Variants in KIAA1755 observed in about 807,000 individuals in gnomAD.
KIAA1755 encodes uncharacterized protein KIAA1755.
Under a neutral mutation model 91.7 loss-of-function variants are expected in KIAA1755, and 68 were observed. The ratio of observed to expected loss-of-function variants is 0.74; its 90% CI spans 0.61 to 0.91. KIAA1755 has a LOEUF of 0.91. Among genes scored for constraint, KIAA1755 ranks in the 40% least tolerant of loss-of-function variants. The probability of loss-of-function intolerance (pLI) is 0.00; values close to 1 mark genes in which losing one functional copy is unlikely to be tolerated. For synonymous variants in KIAA1755, 610 were observed against 604.6 expected (o/e 1.01, Z -0.13); for missense variants, 1,535 against 1,494.4 (o/e 1.03, Z -0.45).
At chr20:38,220,892 T>A (rs2075646637) in intron 10 of KIAA1755, among the ~76,000 whole-genome samples, 1 of 152,084 alleles carries the variant, frequency 6.6e-6, no homozygotes, top group Admixed American at 6.5e-5. Context: ...CACATAATTT[T>A]AAAAAATGCT....
chr20:38,225,612 GAGA>G (rs1330542016), intron 8 of KIAA1755, 50 bp downstream of exon 8: 1 of 1,066,374 alleles, frequency 9.4e-7, no homozygotes, highest in African/African-American at 1.5e-5. Context: ...GAAGAGTGAA[GAGA>G]AGAAGAGAAG....
At chr20:38,227,344 C>T (rs183397978) in intron 6 of KIAA1755, 104 bp from the exon 7 acceptor site, 1 of 765,104 alleles carries the variant, frequency 1.3e-6, no homozygotes, top group Non-Finnish European at 2.2e-6. Flanking sequence ...GCAAATGGGT[C>T]ACAAGGACAG....
At position 38,225,729 on chromosome 20, in the gene KIAA1755, T is replaced by G. The variant is rs1485779014; in HGVS notation, c.2105A>C (p.Gln702Pro). The G allele has an allele frequency of 6.2e-7, 1 of 1,609,222 alleles. No homozygotes were observed. The highest frequency in any genetic ancestry group is 8.5e-7 in the Non-Finnish European group (1 of 1,177,750). The stretch of plus-strand genomic sequence containing the variant: ...GGGGCCTTCCAGGACTGCGGGCAGC[T>G]GGCTGGGGTCCACATGGTGGCTGAG... Reference protein sequence around the residue: ...KALSHHVDPSQLPAVLEGPFP... With the variant: ...KALSHHVDPSPLPAVLEGPFP... The change falls in exon 8 of 14, where the codon CAG becomes CCG. Residue 702 changes from glutamine (Q) to proline (P), a missense_variant. By Grantham distance (76) the Gln-to-Pro change is moderately conservative. Transcript: ENST00000279024.
At chr20:38,217,599 T>TTCTACAGATGAGGAAA in intron 12 of KIAA1755, 125 bp from the exon 13 acceptor site, 1 of 661,204 alleles carries the variant, frequency 1.5e-6, no homozygotes, top group South Asian at 1.9e-5. Flanking sequence ...AGTTTCCTCA[T>TTCTACAGATGAGGAAA]CTGTAGAATG....
Position 38,213,545 on chromosome 20 carries a change from A to G in KIAA1755, c.3100T>C (p.Trp1034Arg), listed in dbSNP as rs376210434. The G allele has an allele frequency of 1.2e-6, 2 of 1,609,316 alleles. No individual in the cohort carries two copies. The highest frequency in any genetic ancestry group is 1.7e-6 in the Non-Finnish European group (2 of 1,177,940). ...TCATGCCTGATCCGGGCCTCCTCCC[A>G]TAGCTCCTGGCCCAGGCCTGCCCGG... is the stretch of plus-strand genomic sequence containing the variant. ...LSRAGLGQELWEEARIRHEEI... is the reference protein window; with the variant it reads ...LSRAGLGQELREEARIRHEEI... Residue 1034 changes from tryptophan to arginine, a missense_variant, in exon 14 of 14, where the codon TGG (tryptophan) becomes CGG (arginine). Coordinates refer to ENST00000279024, the MANE Select transcript of KIAA1755 (RefSeq NM_001029864.2).
rs766390666 is a variant in KIAA1755, at chr20:38,228,132, C to T, written c.1965+15G>A. The T allele has an allele frequency of 1.9e-6, 3 of 1,582,706 alleles. No homozygotes were observed. Among genetic ancestry groups the T allele is most frequent in the Non-Finnish European group, 2.6e-6 (3 of 1,164,516 alleles). On this transcript the variant is annotated intron_variant, in intron 6 of 13. Coordinates refer to ENST00000279024, the MANE Select transcript of KIAA1755 (RefSeq NM_001029864.2). Reference sequence around the variant, plus strand: ...CCAGGACTTACTAGGCTAAGGCTCTCCACCTCCCACTCACCTGGGTGGCCT... The same window carrying T: ...CCAGGACTTACTAGGCTAAGGCTCTTCACCTCCCACTCACCTGGGTGGCCT...
chr20:38,228,080 T>C, intron 6 of KIAA1755, 67 bp downstream of exon 6: 4 of 1,229,274 alleles, frequency 3.3e-6, no homozygotes, highest in Non-Finnish European at 2.3e-6. Flanking sequence ...CCGGACTCTA[T>C]GAATGTCAGG....
chr20:38,222,761 C>T (rs2075684906), intron 9 of KIAA1755, 164 bp from the exon 10 acceptor site: 4 of 727,712 alleles, frequency 5.5e-6, no homozygotes, highest in South Asian at 1.7e-5. Context: ...GCCATGTCCC[C>T]TCTCGTCACC....
chr20:38,244,599 AAC>A (rs1300187304), intron 2 of KIAA1755, among the ~76,000 whole-genome samples: 2 of 152,222 alleles, frequency 1.3e-5, no homozygotes, highest in African/African-American at 2.4e-5. Context: ...TGTTAATAAC[AAC>A]AGAGCAGGGA....
chr20:38,232,169 C>A (rs542686227), intron 4 of KIAA1755, among the ~76,000 whole-genome samples: 1 of 152,216 alleles, frequency 6.6e-6, no homozygotes, highest in Admixed American at 6.5e-5. Flanking sequence ...TGACCACCAG[C>A]CACTCCACGT....
At chr20:38,224,390 G>A (rs1015944821) in intron 8 of KIAA1755, among the ~76,000 whole-genome samples, 6 of 152,242 alleles carry the variant, frequency 3.9e-5, no homozygotes, top group Non-Finnish European at 7.3e-5. Context: ...AGATTGTTCA[G>A]TAGGTATCTT....
intron 13 of KIAA1755, among the ~76,000 whole-genome samples, chr20:38,215,462 AG>A (rs563857106): frequency 2.1e-3 from 323 of 152,328 alleles, no homozygotes; most frequent in Non-Finnish European, 3.0e-3. Flanking sequence ...CTCGCCTCGC[AG>A]GCACCATGCA....
chr20:38,239,698 C>G lies in KIAA1755; in HGVS notation c.1577G>C (p.Gly526Ala), dbSNP rs767410365. The stretch of plus-strand genomic sequence containing the variant: ...CAGTGGGCTGGGGGCAGTGGCTGGG[C>G]CAGATGTTTTGGTCTGAGTTGTTCC... ...KAGTTQTKTSGPATAPSPLTE... is the reference protein window; with the variant it reads ...KAGTTQTKTSAPATAPSPLTE... Residue 526 changes from glycine (G) to alanine (A), a missense_variant, in exon 4 of 14, where the codon GGC becomes GCC. Physicochemically the swap from Gly to Ala is moderately conservative, Grantham distance 60. Transcript: ENST00000279024. The G allele has an allele frequency of 6.2e-7, 1 of 1,612,446 alleles. No homozygotes were observed. Among genetic ancestry groups the G allele is most frequent in the Non-Finnish European group, 8.5e-7 (1 of 1,179,862 alleles).
rs6014375 is a variant in KIAA1755 at position 38,225,782 on chromosome 20, C to T, written c.2053-1G>A. 6.5e-7 allele frequency: 1 copy of T among 1,531,104 alleles called. No individual in the cohort carries two copies. The highest frequency in any genetic ancestry group is 1.3e-5 in the South Asian group (1 of 79,060). 94.8% of individuals were successfully genotyped at this position (1,531,104 alleles called of 1,614,324 possible). A position where few individuals can be genotyped will look rare whatever the true frequency, so the allele number is the denominator to read the frequency against. ...CCTTCAATGAGGTCAGCACCTCCAC[C>T]TGCAGACCAAAGAATCAGGAGAACC... On this transcript the variant is annotated splice_acceptor_variant, in intron 7 of 13. Coordinates refer to ENST00000279024, the MANE Select transcript of KIAA1755 (RefSeq NM_001029864.2). LOFTEE classifies it high-confidence loss of function.
At chr20:38,223,454 C>T (rs570454181) in intron 9 of KIAA1755, 84 bp downstream of exon 9, 36 of 900,578 alleles carry the variant, frequency 4.0e-5, no homozygotes, top group South Asian at 6.0e-5. Context: ...CCCCTTTTCC[C>T]CAGGCCGTCC....
rs999814143 is a variant in KIAA1755 at position 38,225,656 on chromosome 20, G to A, written c.2169+9C>T. ...GGGGTCAGGGGCTAAAGGCTGTGAC[G>A]GTAAACACCTGGAAGAAATGAACCC... On this transcript the variant is annotated intron_variant, in intron 8 of 13. Transcript: ENST00000279024. The A allele has an allele frequency of 8.3e-6, 13 of 1,563,256 alleles. No individual in the cohort carries two copies. Among genetic ancestry groups the A allele is most frequent in the African/African-American group, 2.7e-5 (2 of 73,874 alleles).
Position 38,213,206 on chromosome 20 carries a change from C to G in KIAA1755, c.3439G>C (p.Asp1147His). 1.2e-6 allele frequency: 2 copies of G among 1,613,532 alleles called. No homozygotes were observed. Among genetic ancestry groups the G allele is most frequent in the Non-Finnish European group, 1.7e-6 (2 of 1,180,028 alleles). The change falls in exon 14 of 14, where the codon GAC (aspartate) becomes CAC (histidine). Residue 1147 changes from aspartate to histidine, a missense_variant. Transcript: ENST00000279024. ...GCAAGCAAATGCTCGCGGGCAGGGT[C>G]AGGCAGCTTGTGGGAGCCTTTGCCG... The part of the protein sequence containing the change: ...EDGKGSHKLP[D>H]PAREHLLATT...
At chr20:38,237,450 G>T (rs1019621386) in intron 4 of KIAA1755, among the ~76,000 whole-genome samples, 6 of 152,086 alleles carry the variant, frequency 3.9e-5, no homozygotes, top group Admixed American at 2.0e-4. Flanking sequence ...GATTTATCTG[G>T]GTAAGTGTGA....
rs1233850380 is a variant in KIAA1755, at chr20:38,219,646, T to TCCAGGCGGC, written c.2531_2539dup (p.Gly844_Leu846dup). The TCCAGGCGGC allele has an allele frequency of 2.5e-6, 4 of 1,614,068 alleles. No individual in the cohort carries two copies. The highest frequency in any genetic ancestry group is 1.6e-4 in the Middle Eastern group (1 of 6,062). ...CCCTTTCACCTGGTGAATGGCAGCTTCCAGGCGGCCCAGGCGGACACGGAG... is the reference window on the plus strand; with the variant it reads ...CCCTTTCACCTGGTGAATGGCAGCTTCCAGGCGGCCCAGGCGGCCCAGGCGGACACGGAG... On this transcript the variant is annotated inframe_insertion, in exon 11 of 14. Transcript: ENST00000279024.
Sources: allele counts gnomAD v4.1 joint callset (sites outside exome capture counted in the v4.1 genomes callset), GRCh38; gene constraint gnomAD v4.1.1; transcripts MANE v1.5; gene names NCBI Gene and HGNC (gene_info 2026-07-23, HGNC 2026-07-21).